The following CEP135 variants were observed in gnomAD, a reference collection of about 807,000 sequenced individuals.
CEP135 encodes the protein centrosomal protein 135.
A neutral mutation model predicts 157.3 loss-of-function variants in CEP135; 142 were observed. The observed-to-expected ratio is 0.90, with a 90% CI of 0.79 to 1.04. The LOEUF (loss-of-function observed/expected upper bound fraction) is 1.04. Ranked by LOEUF, CEP135 falls within the 50% of genes least tolerant of loss-of-function variation. The pLI is 0.00. For missense variants in CEP135, 1,317 were observed against 1,309.2 expected (o/e 1.01, Z -0.09); for synonymous variants, 396 against 439.8 (o/e 0.90, Z 1.25).
At position 55,968,604 on chromosome 4, in the gene CEP135, C is replaced by T. The variant is rs148534071; in HGVS notation, c.1045-459C>T. Among the ~76,000 whole-genome samples, 711 of 152,264 alleles carry T rather than the reference C, an allele frequency of 4.7e-3. 4 individuals carry two copies. The highest frequency in any genetic ancestry group is 0.01 in the Middle Eastern group (3 of 294). On this transcript the variant is annotated intron_variant, in intron 8 of 25. Coordinates refer to ENST00000257287, the MANE Select transcript of CEP135 (RefSeq NM_025009.5). The stretch of plus-strand genomic sequence containing the variant: ...ACACAGCATGCTAAACACAGCTTCC[C>T]ATGTCCCATTGCAAATGCTCAGAAA...
chr4:55,966,172 G>T, intron 8 of CEP135: 2 of 222,964 alleles, frequency 9.0e-6, no homozygotes, highest in Non-Finnish European at 1.8e-5. Context: ...AGCTTTTAAA[G>T]TTTCCCCTCT....
Position 55,959,997 on chromosome 4 carries a change from GGTCCCA to G in CEP135, c.699+233_699+238del, listed in dbSNP as rs2109648406. ...GCCAAGTGTGGTGGCATGTGCCTAT[GGTCCCA>G]GGTACTTGGGAGGCTGAGGTGGGAG... On this transcript the variant is annotated intron_variant, in intron 6 of 25. Coordinates refer to ENST00000257287, the MANE Select transcript of CEP135 (RefSeq NM_025009.5). The G allele has an allele frequency of 1.2e-5, 7 of 587,312 alleles. 1 individual carries two copies. The South Asian group carries it at 1.6e-4, about 13-fold the overall frequency. 36.4% of individuals were successfully genotyped at this position (587,312 alleles called of 1,614,324 possible). A position where few individuals can be genotyped will look rare whatever the true frequency, so the allele number is the denominator to read the frequency against.
chr4:55,979,515 G>T (rs1389121643), intron 11 of CEP135, among the ~76,000 whole-genome samples: 2 of 152,134 alleles, frequency 1.3e-5, no homozygotes, highest in Admixed American at 1.3e-4. Flanking sequence ...TGAGACAGTT[G>T]GGGGTTGGTA....
At chr4:55,984,680 A>G (rs73817308) in intron 13 of CEP135, among the ~76,000 whole-genome samples, 3,272 of 152,298 alleles carry the variant, frequency 0.021, 119 homozygotes, top group African/African-American at 0.075. Context: ...TTTTTAATGA[A>G]TAACAAGGAT....
chr4:56,014,176 T>G (rs947499124), intron 21 of CEP135, among the ~76,000 whole-genome samples: 1 of 152,232 alleles, frequency 6.6e-6, no homozygotes, highest in African/African-American at 2.4e-5. Context: ...GCCACACAAT[T>G]TGTGGCAATT....
chr4:56,029,619 A>G (rs1731272677), intron 25 of CEP135, among the ~76,000 whole-genome samples: 1 of 152,140 alleles, frequency 6.6e-6, no homozygotes, highest in African/African-American at 2.4e-5. Context: ...GTACTTACAC[A>G]AACCTAGATG....
intron 6 of CEP135, chr4:55,960,047 C>T (rs534251231): frequency 1.9e-6 from 1 of 520,600 alleles, no homozygotes; most frequent in Admixed American, 3.8e-5. Context: ...GATTGAAGAG[C>T]ACTTATTTAC....
At position 55,952,066 on chromosome 4, in the gene CEP135, G is replaced by A. The variant is rs1273508826; in HGVS notation, c.-45-20G>A. ...ATCATAGCTATAATAAGATAATGAT[G>A]TTTCATTCTTTTCTCTCAGGACTTT... On this transcript the variant is annotated intron_variant, in intron 1 of 25. Transcript: ENST00000257287. 1.3e-6 allele frequency: 1 copy of A among 772,758 alleles called. No homozygotes were observed. Among genetic ancestry groups the A allele is most frequent in the Admixed American group, 2.2e-5 (1 of 46,444 alleles). 47.9% of individuals were successfully genotyped at this position (772,758 alleles called of 1,614,324 possible).
intron 24 of CEP135, among the ~76,000 whole-genome samples, chr4:56,023,646 A>G (rs1731042804): frequency 6.9e-6 from 1 of 144,700 alleles, no homozygotes; most frequent in Non-Finnish European, 1.5e-5. Context: ...GTAATATATA[A>G]TACATATAAT....
chr4:56,019,046 A>G (rs529169351), intron 22 of CEP135, among the ~76,000 whole-genome samples: 1 of 152,344 alleles, frequency 6.6e-6, no homozygotes, highest in East Asian at 1.9e-4. Context: ...TTCAACCAGA[A>G]GGGTCTCATT....
chr4:56,009,857 A>G lies in CEP135; in HGVS notation c.2459A>G (p.Asn820Ser). The G allele has an allele frequency of 6.2e-7, 1 of 1,614,048 alleles. No individual in the cohort carries two copies. The change falls in exon 19 of 26, where the codon AAC (asparagine) becomes AGC (serine). Residue 820 changes from asparagine (N) to serine (S), a missense_variant. Transcript: ENST00000257287. ...TCTAGAGAAATCGCTTTTAAGGAAA[A>G]CAGAAGACTGCAAGATGACCTGGCT... ...GRSREIAFKENRRLQDDLATM... is the reference protein window; with the variant it reads ...GRSREIAFKESRRLQDDLATM...
chr4:56,008,354 A>T lies in CEP135; in HGVS notation c.2308A>T (p.Met770Leu). ...KEKAVAQMKI[M>L]ISECESSVNQ... is the part of the protein sequence containing the mutation. ...AAAAGCTGTTGCTCAAATGAAGATA[A>T]TGATCTCAGAGTGTGAATCATCTGT... Residue 770 changes from methionine (M) to leucine (L), a missense_variant, in exon 18 of 26, where the codon ATG becomes TTG. By Grantham distance (15) the Met-to-Leu change is conservative. Transcript: ENST00000257287. 6.2e-7 allele frequency: 1 copy of T among 1,610,352 alleles called. No homozygotes were observed. Among genetic ancestry groups the T allele is most frequent in the Non-Finnish European group, 8.5e-7 (1 of 1,178,630 alleles).
chr4:56,016,428 A>G (rs1730774632), intron 21 of CEP135, among the ~76,000 whole-genome samples: 2 of 152,186 alleles, frequency 1.3e-5, no homozygotes, highest in South Asian at 4.1e-4. Context: ...CAACCTTCAA[A>G]AGAGTTTTTC....
chr4:55,984,011 C>A (rs1324030731), intron 13 of CEP135, among the ~76,000 whole-genome samples: 1 of 152,136 alleles, frequency 6.6e-6, no homozygotes. Context: ...CATTGTTCTC[C>A]CTCACCTGCA....
At chr4:55,961,233 CA>C (rs1560399131) in intron 6 of CEP135, among the ~76,000 whole-genome samples, 1 of 151,958 alleles carries the variant, frequency 6.6e-6, no homozygotes, top group Non-Finnish European at 1.5e-5. Context: ...ATTACACTTT[CA>C]TTTTTTTCAG....
rs1477866401 is a variant in CEP135 at position 56,033,305 on chromosome 4, T to C, written c.*1957T>C. 3 of 152,140 alleles carry C rather than the reference T, an allele frequency of 2.0e-5. No homozygotes were observed. The highest frequency in any genetic ancestry group is 4.4e-5 in the Non-Finnish European group (3 of 68,008). The allele number at this position is 152,140 out of a possible 1,614,324, so 9.4% of individuals were successfully genotyped here. ...TTTATAGATGTTTTTGATTTTGTTTTAAATAATTTTAAATTATGGAGCTTG... is the reference window on the plus strand; with the variant it reads ...TTTATAGATGTTTTTGATTTTGTTTCAAATAATTTTAAATTATGGAGCTTG... On this transcript the variant is annotated 3_prime_UTR_variant, in exon 26 of 26. Transcript: ENST00000257287.
Position 55,974,921 on chromosome 4 carries a change from A to G in CEP135, c.1425A>G (p.Thr475=), listed in dbSNP as rs1419375851. Residue 475 remains threonine, a synonymous_variant, in exon 11 of 26, where the codon ACA becomes ACG. Coordinates refer to ENST00000257287, the MANE Select transcript of CEP135 (RefSeq NM_025009.5). ...QHIIQRRSCS[T]SYSAREKSSI... ...TAATACAGCGAAGATCTTGCTCTAC[A>G]AGTTATAGCGCACGTGAAAAAAGTT... 6.2e-7 allele frequency: 1 copy of G among 1,611,642 alleles called. No homozygotes were observed. The highest frequency in any genetic ancestry group is 2.2e-5 in the East Asian group (1 of 44,790).
chr4:56,020,801 A>G lies in CEP135; in HGVS notation c.3320+21A>G, dbSNP rs376357936. On this transcript the variant is annotated intron_variant, in intron 24 of 25. Coordinates refer to ENST00000257287, the MANE Select transcript of CEP135 (RefSeq NM_025009.5). ...GAACGGTAAGACAAATTTTTTTTAC[A>G]TTTGACAATGTTTTTATGTGTTCTC... The G allele has an allele frequency of 1.3e-4, 210 of 1,566,850 alleles. 1 individual carries two copies. Among genetic ancestry groups the G allele is most frequent in the South Asian group, 1.7e-4 (15 of 88,670 alleles).
At chr4:55,993,231 A>C (rs571134772) in intron 15 of CEP135, among the ~76,000 whole-genome samples, 1 of 152,232 alleles carries the variant, frequency 6.6e-6, no homozygotes, top group Non-Finnish European at 1.5e-5. Flanking sequence ...ATGATGAGAA[A>C]AAAGACATAG....
Sources: gnomAD v4.1 joint callset for allele counts (sites outside exome capture counted in the v4.1 genomes callset) on GRCh38, gnomAD v4.1.1 for gene constraint, MANE v1.5 for transcripts, NCBI Gene and HGNC (gene_info 2026-07-23, HGNC 2026-07-21) for gene names.